RAET1L: variants seen among roughly 807,000 people sequenced by gnomAD.
The protein encoded by RAET1L is UL16-binding protein 6.
In RAET1L, 16 loss-of-function variants were observed where a neutral mutation model predicts 23.9. The observed-to-expected ratio is 0.67, with a 90% CI of 0.45 to 1.02. The LOEUF (loss-of-function observed/expected upper bound fraction) is 1.02. RAET1L is among the 50% of genes least tolerant of loss of function. RAET1L has a pLI of 0.00. For synonymous variants in RAET1L, 70 were observed against 111.2 expected, an observed-to-expected ratio of 0.63 and a Z score of 2.33; for missense variants, 233 against 304.0, an observed-to-expected ratio of 0.77 and a Z score of 1.74.
chr6:150,021,834 G>A (rs1300840562), intron 2 of RAET1L, 146 bp downstream of exon 2: 27 of 1,245,082 alleles, frequency 2.2e-5, no homozygotes, highest in Admixed American at 6.3e-5. Flanking sequence ...CCTTGTGATC[G>A]GCCCACCTCT....
At chr6:150,021,336 T>C in intron 2 of RAET1L, 150 bp from the exon 3 acceptor site, 1 of 238,660 alleles carries the variant, frequency 4.2e-6, no homozygotes, top group Non-Finnish European at 5.7e-6. Context: ...CCCATTTGTA[T>C]TTTTTTTTTT....
intron 1 of RAET1L, among the ~76,000 whole-genome samples, chr6:150,025,044 G>T (rs1779930897): frequency 6.6e-6 from 1 of 152,064 alleles, no homozygotes; most frequent in African/African-American, 2.4e-5. Context: ...CCTGACCCCA[G>T]CTCTGTTCCC....
At chr6:150,022,360 T>A in intron 1 of RAET1L, 117 bp from the exon 2 acceptor site, 1 of 680,134 alleles carries the variant, frequency 1.5e-6, no homozygotes, top group South Asian at 1.8e-5. Context: ...CAGGAAGGAG[T>A]GCCCCCTCCA....
rs201048549 is a variant in RAET1L at position 150,020,162 on chromosome 6, T to G, written c.709A>C (p.Ile237Leu). The G allele has an allele frequency of 2.8e-4, 357 of 1,253,722 alleles. 2 individuals carry two copies. Among genetic ancestry groups the G allele is most frequent in the East Asian group, 2.6e-3 (109 of 41,646 alleles). 77.7% of individuals were successfully genotyped at this position (1,253,722 alleles called of 1,614,324 possible). Reference sequence around the variant, plus strand: ...CCAGGGAGGATGAAGCAGGGGAGGATGATGAGGAGGCAGCAAAGGATGAGG... The same window carrying G: ...CCAGGGAGGATGAAGCAGGGGAGGAGGATGAGGAGGCAGCAAAGGATGAGG... ...TTLILCCLLI[I>L]LPCFILPGI Residue 237 changes from isoleucine to leucine, a missense_variant, in exon 4 of 5, where the codon ATC (isoleucine) becomes CTC (leucine). Transcript: ENST00000367341.
chr6:150,024,993 C>T (rs943953796), intron 1 of RAET1L, among the ~76,000 whole-genome samples: 1 of 151,988 alleles, frequency 6.6e-6, no homozygotes, highest in Non-Finnish European at 1.5e-5. Flanking sequence ...CTGGTGGGGG[C>T]GTCTGTGATT....
Sources: gnomAD v4.1 joint callset for allele counts (sites outside exome capture counted in the v4.1 genomes callset) on GRCh38, gnomAD v4.1.1 for gene constraint, MANE v1.5 for transcripts, NCBI Gene and HGNC (gene_info 2026-07-23, HGNC 2026-07-21) for gene names.